Variants in ZFYVE28 observed in about 807,000 individuals in gnomAD.
The protein encoded by ZFYVE28 is zinc finger FYVE-type containing 28.
Under a neutral mutation model 82.1 loss-of-function variants are expected in ZFYVE28, and 40 were observed. The ratio of observed to expected loss-of-function variants is 0.49; its 90% confidence interval spans 0.38 to 0.63. The LOEUF is 0.63. ZFYVE28 is among the 30% of genes least tolerant of loss of function. The pLI is 0.00. For synonymous variants in ZFYVE28, 612 were observed against 546.1 expected, an observed-to-expected ratio of 1.12 and a Z score of -1.68; for missense variants, 1,321 against 1,242.1, an observed-to-expected ratio of 1.06 and a Z score of -0.96.
chr4:2,310,623 G>A (rs959722475), intron 7 of ZFYVE28, among the ~76,000 whole-genome samples: 1 of 152,138 alleles, frequency 6.6e-6, no homozygotes, highest in Non-Finnish European at 1.5e-5. Flanking sequence ...GGGCAACACA[G>A]TAAAACCCTG....
intron 8 of ZFYVE28, among the ~76,000 whole-genome samples, chr4:2,283,024 G>T (rs1457314097): frequency 6.6e-6 from 1 of 152,208 alleles, no homozygotes; most frequent in Non-Finnish European, 1.5e-5. Context: ...TCGGGCATTT[G>T]TACAACCACA....
chr4:2,344,912 ACAAAAAC>A (rs925358438), intron 2 of ZFYVE28, among the ~76,000 whole-genome samples: 2 of 149,360 alleles, frequency 1.3e-5, no homozygotes, highest in African/African-American at 5.0e-5. Flanking sequence ...AAAACAAAAA[ACAAAAAC>A]AAAACAAAAC....
At chr4:2,306,006 G>A (rs183549095) in intron 7 of ZFYVE28, among the ~76,000 whole-genome samples, 1 of 152,374 alleles carries the variant, frequency 6.6e-6, no homozygotes, top group Admixed American at 6.5e-5. Context: ...TGTGGACTTA[G>A]CCTGCAGTTG....
intron 7 of ZFYVE28, among the ~76,000 whole-genome samples, chr4:2,306,650 G>A (rs1451597380): frequency 6.6e-6 from 1 of 152,186 alleles, no homozygotes; most frequent in African/African-American, 2.4e-5. Flanking sequence ...AATGTCATTA[G>A]AAATAGTTGT....
intron 10 of ZFYVE28, 84 bp from the exon 11 acceptor site, chr4:2,271,863 G>A: frequency 7.6e-7 from 1 of 1,316,426 alleles, no homozygotes; most frequent in Non-Finnish European, 1.1e-6. Context: ...GGGCACAGCT[G>A]GGGGCTTCCA....
At chr4:2,299,934 C>G (rs28688423) in intron 8 of ZFYVE28, among the ~76,000 whole-genome samples, 3,911 of 152,096 alleles carry the variant, frequency 0.026, 161 homozygotes, top group African/African-American at 0.087. Flanking sequence ...GTAGCTGGGA[C>G]TACAGGCCCA....
chr4:2,294,038 T>G, intron 8 of ZFYVE28, among the ~76,000 whole-genome samples: 1 of 150,982 alleles, frequency 6.6e-6, no homozygotes, highest in Non-Finnish European at 1.5e-5. Flanking sequence ...AATTACTACA[T>G]AGATTCTACA....
At chr4:2,355,211 T>A (rs1453799449) in intron 1 of ZFYVE28, among the ~76,000 whole-genome samples, 1 of 978 alleles carries the variant, frequency 1.0e-3, no homozygotes, top group African/African-American at 2.5e-3. Context: ...TATATATATA[T>A]ATATATATAT....
In ZFYVE28 at chr4:2,408,407, A is replaced by G. The variant is rs1420804013; in HGVS notation, c.39+9878T>C. On this transcript the variant is annotated intron_variant, in intron 1 of 12. Coordinates refer to ENST00000290974, the MANE Select transcript of ZFYVE28 (RefSeq NM_020972.3). This position sits in a 1 kb window ranked among gnomAD's most constrained non-coding sequence, Gnocchi z 4.3. ...GACACTGTGGAGGTGATGCCATGTG[A>G]CTTCCAGGCTGGGCCTCAGGATCAC... 2.6e-5 allele frequency among the ~76,000 whole-genome samples: 4 copies of G among 151,644 alleles called. No individual in the cohort carries two copies. Among genetic ancestry groups the G allele is most frequent in the African/African-American group, 9.7e-5 (4 of 41,236 alleles).
chr4:2,285,133 C>T (rs1382289424), intron 8 of ZFYVE28, among the ~76,000 whole-genome samples: 2 of 152,156 alleles, frequency 1.3e-5, no homozygotes, highest in African/African-American at 4.8e-5. Context: ...CTGGGCAGAA[C>T]CCCACGTGGA....
chr4:2,335,059 G>A lies in ZFYVE28; in HGVS notation c.701+646C>T, dbSNP rs534228811. ...CAGGTGACCCCGCGCATCCTGCCTC[G>A]GTGGATTTCAGGCCTGAGCTTCCAT... On this transcript the variant is annotated intron_variant, in intron 6 of 12. Transcript: ENST00000290974. The surrounding 1 kb of genome is among the most constrained non-coding windows in gnomAD (Gnocchi z 5.8). Among the ~76,000 whole-genome samples the A allele has an allele frequency of 1.6e-4, 24 of 151,126 alleles. No individual in the cohort carries two copies. Among genetic ancestry groups the A allele is most frequent in the East Asian group, 5.9e-4 (3 of 5,102 alleles).
At chr4:2,411,944 A>T (rs1732563146) in intron 1 of ZFYVE28, among the ~76,000 whole-genome samples, 1 of 152,154 alleles carries the variant, frequency 6.6e-6, no homozygotes, top group African/African-American at 2.4e-5. Flanking sequence ...CGACATGGTG[A>T]ACCCCATTGC....
intron 1 of ZFYVE28, among the ~76,000 whole-genome samples, chr4:2,398,955 G>A (rs1455331513): frequency 7.1e-6 from 1 of 140,200 alleles, no homozygotes; most frequent in Non-Finnish European, 1.5e-5. Context: ...GGGCACAAGG[G>A]GGGTGTGAGA....
chr4:2,376,438 T>G (rs894586672), intron 1 of ZFYVE28, among the ~76,000 whole-genome samples: 5 of 148,946 alleles, frequency 3.4e-5, no homozygotes, highest in African/African-American at 1.2e-4. Flanking sequence ...ATTCTCACAC[T>G]GTTATGAAGA....
At chr4:2,299,721 G>A (rs1330419284) in intron 8 of ZFYVE28, among the ~76,000 whole-genome samples, 1 of 123,432 alleles carries the variant, frequency 8.1e-6, no homozygotes, top group Non-Finnish European at 1.7e-5. Flanking sequence ...AAACCATAGA[G>A]GAAACTATAA....
At chr4:2,404,682 T>C (rs1390529525) in intron 1 of ZFYVE28, among the ~76,000 whole-genome samples, 2 of 151,922 alleles carry the variant, frequency 1.3e-5, no homozygotes, top group Non-Finnish European at 2.9e-5. Flanking sequence ...AGAGGCAGGG[T>C]GAGTGAAGAG....
At chr4:2,375,804 A>C (rs1728069826) in intron 1 of ZFYVE28, among the ~76,000 whole-genome samples, 1 of 152,210 alleles carries the variant, frequency 6.6e-6, no homozygotes, top group Non-Finnish European at 1.5e-5. Flanking sequence ...CAGATTTCAG[A>C]GTTCACCATG....
Position 2,304,861 on chromosome 4 carries a change from C to T in ZFYVE28, c.1479G>A (p.Val493=). 1.2e-6 allele frequency: 2 copies of T among 1,612,654 alleles called. No individual in the cohort carries two copies. The highest frequency in any genetic ancestry group is 1.3e-5 in the African/African-American group (1 of 75,060). ...CAGCCGTCTCTGCGTCATCCGCACCCACCTCCCAGCCGTCCAGGTGCAGCC... is the reference window on the plus strand; with the variant it reads ...CAGCCGTCTCTGCGTCATCCGCACCTACCTCCCAGCCGTCCAGGTGCAGCC... The part of the protein sequence containing the change: ...DSRLHLDGWE[V]GADDAETAEM... Residue 493 remains valine (V), a synonymous_variant, in exon 8 of 13, where the codon GTG becomes GTA. Coordinates refer to ENST00000290974, the MANE Select transcript of ZFYVE28 (RefSeq NM_020972.3).
At chr4:2,284,335 C>T (rs1712407131) in intron 8 of ZFYVE28, among the ~76,000 whole-genome samples, 1 of 152,234 alleles carries the variant, frequency 6.6e-6, no homozygotes, top group African/African-American at 2.4e-5. Flanking sequence ...GATCCTCCAA[C>T]CTCAGCCTCC....
Sources: allele counts gnomAD v4.1 joint callset (sites outside exome capture counted in the v4.1 genomes callset), GRCh38; gene constraint gnomAD v4.1.1; non-coding constraint Gnocchi (gnomAD v3.1); transcripts MANE v1.5; gene names NCBI Gene and HGNC (gene_info 2026-07-23, HGNC 2026-07-21).